THOC2: variants seen among roughly 807,000 people sequenced by gnomAD.
The protein encoded by THOC2 is THO complex 2.
A neutral mutation model predicts 128.4 loss-of-function variants in THOC2; 10 were observed. The observed-to-expected ratio is 0.08, with a 90% confidence interval of 0.05 to 0.13. The LOEUF (loss-of-function observed/expected upper bound fraction) is 0.13, where lower values mean the gene tolerates loss of function less well. THOC2 is among the 10% of genes least tolerant of loss of function. The probability of loss-of-function intolerance (pLI) is 1.00; values close to 1 mark genes in which losing one functional copy is unlikely to be tolerated. For synonymous variants in THOC2, 393 were observed against 396.9 expected (o/e 0.99, Z 0.12); for missense variants, 535 against 1,155.7 (o/e 0.46, Z 7.79).
At chrX:123,686,526 A>T in intron 8 of THOC2, 22 bp downstream of exon 8, 1 of 1,138,137 alleles carries the variant, frequency 8.8e-7, no homozygotes, top group East Asian at 3.0e-5. Flanking sequence ...CTAAATATAC[A>T]TACATACACG....
intron 1 of THOC2, among the ~76,000 whole-genome samples, chrX:123,727,537 C>T (rs2052046346): frequency 8.9e-6 from 1 of 112,304 alleles, no homozygotes; most frequent in African/African-American, 3.2e-5. Flanking sequence ...TGTCTCAGTC[C>T]AAATTGAAAT....
At chrX:123,730,953 A>T (rs771266824) in intron 1 of THOC2, among the ~76,000 whole-genome samples, 10 of 112,575 alleles carry the variant, frequency 8.9e-5, no homozygotes, top group Non-Finnish European at 1.7e-4. Flanking sequence ...CAAGGGGGAA[A>T]AAAAAAAGTA....
chrX:123,635,625 G>A (rs2047643978), intron 19 of THOC2, among the ~76,000 whole-genome samples: 1 of 111,568 alleles, frequency 9.0e-6, no homozygotes, highest in Non-Finnish European at 1.9e-5. Flanking sequence ...AGGTATGAAA[G>A]CCTTATGTAT....
At chrX:123,716,719 ACT>A (rs1252008874) in intron 1 of THOC2, among the ~76,000 whole-genome samples, 2 of 91,253 alleles carry the variant, frequency 2.2e-5, no homozygotes, top group African/African-American at 8.5e-5. Context: ...ACAGAGCGAG[ACT>A]CTGTCTCAAA....
intron 8 of THOC2, among the ~76,000 whole-genome samples, chrX:123,678,034 A>G (rs1404696484): frequency 9.0e-6 from 1 of 110,510 alleles, no homozygotes; most frequent in Non-Finnish European, 1.9e-5. Context: ...TAGGGGCAAT[A>G]ACACTCATGA....
chrX:123,629,479 T>C (rs2047395934), intron 22 of THOC2, among the ~76,000 whole-genome samples: 1 of 111,453 alleles, frequency 9.0e-6, no homozygotes. Flanking sequence ...TGCTTCCAGT[T>C]CTACACTGTG....
intron 1 of THOC2, among the ~76,000 whole-genome samples, chrX:123,731,943 C>T (rs2052281947): frequency 9.0e-6 from 1 of 111,253 alleles, no homozygotes; most frequent in Non-Finnish European, 1.9e-5. Flanking sequence ...TTAATTTCAT[C>T]CAGGGTTGAG....
chrX:123,687,895 G>A (rs996703872), intron 7 of THOC2, among the ~76,000 whole-genome samples: 2 of 111,633 alleles, frequency 1.8e-5, no homozygotes, highest in Non-Finnish European at 3.8e-5. Context: ...CCAAAAAGAC[G>A]TTTCCCTGAA....
At position 123,703,758 on chromosome X, in the gene THOC2, C is replaced by T. The variant is rs1423555536; in HGVS notation, c.223-253G>A. ...AAAAAAAAAAAAAAAAAAAATTAGC[C>T]AGGCGTGATGGTGTACTAGCTACTC... On this transcript the variant is annotated intron_variant, in intron 3 of 38. Coordinates refer to ENST00000245838, the MANE Select transcript of THOC2 (RefSeq NM_001081550.2). Among the ~76,000 whole-genome samples the T allele has an allele frequency of 4.2e-5, 4 of 95,670 alleles. No homozygotes were observed. In the Admixed American group the frequency reaches 4.8e-4, roughly 11 times the overall value. The allele number at this position is 95,670 out of a possible 115,157, so 83.1% of individuals were successfully genotyped here. A position where few individuals can be genotyped will look rare whatever the true frequency, so the allele number is the denominator to read the frequency against.
At position 123,601,261 on chromosome X, in the gene THOC2, C is replaced by G. The variant is rs2046260655; in HGVS notation, c.*96G>C. 1 of 111,841 alleles carries G rather than the reference C, an allele frequency of 8.9e-6. No homozygotes were observed. The highest frequency in any genetic ancestry group is 1.9e-5 in the Non-Finnish European group (1 of 53,153). The allele number at this position is 111,841 out of a possible 1,213,427, so 9.2% of individuals were successfully genotyped here. On this transcript the variant is annotated 3_prime_UTR_variant, in exon 39 of 39. Transcript: ENST00000245838. Reference sequence around the variant, plus strand: ...AATTTAAGGAGATGCAAATGGCCCTCTTCATTCTTAATTCTCGGCAATTTA... The same window carrying G: ...AATTTAAGGAGATGCAAATGGCCCTGTTCATTCTTAATTCTCGGCAATTTA...
chrX:123,665,618 G>A, intron 12 of THOC2, 24 bp downstream of exon 12: 3 of 1,066,025 alleles, frequency 2.8e-6, no homozygotes, highest in Non-Finnish European at 3.8e-6. Flanking sequence ...CAAAATTTAG[G>A]TTTGTAAGAA....
chrX:123,620,497 G>A (rs1243837822), intron 32 of THOC2: 1 of 118,524 alleles, frequency 8.4e-6, no homozygotes, highest in Non-Finnish European at 1.7e-5. Flanking sequence ...GAATTCAGAG[G>A]TAACTTGTTT....
intron 18 of THOC2, among the ~76,000 whole-genome samples, chrX:123,637,028 T>C (rs1412189809): frequency 5.4e-5 from 6 of 111,754 alleles, no homozygotes; most frequent in Admixed American, 3.8e-4. Context: ...TGAAATCTAA[T>C]GAATAAACAG....
chrX:123,692,557 A>G (rs546126619), intron 7 of THOC2, among the ~76,000 whole-genome samples: 8 of 91,864 alleles, frequency 8.7e-5, no homozygotes, highest in Middle Eastern at 0.017. Context: ...GCTGGAGTGC[A>G]GTGGCACGAT....
chrX:123,712,960 A>G, intron 1 of THOC2, 52 bp from the exon 2 acceptor site: 1 of 888,282 alleles, frequency 1.1e-6, no homozygotes, highest in Non-Finnish European at 1.6e-6. Flanking sequence ...ACATGAGATG[A>G]TTCTTATAAA....
At chrX:123,670,066 A>G (rs2049209571) in intron 9 of THOC2, among the ~76,000 whole-genome samples, 1 of 112,051 alleles carries the variant, frequency 8.9e-6, no homozygotes, top group African/African-American at 3.2e-5. Context: ...ACTTCCCTCT[A>G]AAGTCATACC....
intron 7 of THOC2, among the ~76,000 whole-genome samples, chrX:123,689,964 T>A (rs2147880976): frequency 9.0e-6 from 1 of 110,794 alleles, no homozygotes; most frequent in Non-Finnish European, 1.9e-5. Context: ...CCAGCTACAT[T>A]AATACACACA....
chrX:123,695,236 T>C (rs1270317621), intron 7 of THOC2, among the ~76,000 whole-genome samples: 1 of 111,614 alleles, frequency 9.0e-6, no homozygotes, highest in Non-Finnish European at 1.9e-5. Context: ...ACCCAGGTAC[T>C]GCAAAATCTT....
chrX:123,624,478 A>C, intron 26 of THOC2, 63 bp downstream of exon 26: 1 of 1,082,174 alleles, frequency 9.2e-7, no homozygotes, highest in Non-Finnish European at 1.2e-6. Flanking sequence ...TCAACTATCT[A>C]GATATTAATG....
Sources: gnomAD v4.1 joint callset for allele counts (sites outside exome capture counted in the v4.1 genomes callset) on GRCh38, gnomAD v4.1.1 for gene constraint, MANE v1.5 for transcripts, NCBI Gene and HGNC (gene_info 2026-07-23, HGNC 2026-07-21) for gene names.